Variants in DLG2 observed in about 807,000 individuals in gnomAD.
DLG2 encodes discs large MAGUK scaffold protein 2.
Under a neutral mutation model 132.5 loss-of-function variants are expected in DLG2, and 45 were observed. The observed-to-expected ratio is 0.34, with a 90% CI of 0.27 to 0.44. The LOEUF is 0.44. Ranked by LOEUF, DLG2 falls within the 20% of genes least tolerant of loss-of-function variation. DLG2 has a pLI of 1.00. For synonymous variants in DLG2, 424 were observed against 419.6 expected, an observed-to-expected ratio of 1.01 and a Z score of -0.13; for missense variants, 1,045 against 1,196.9, an observed-to-expected ratio of 0.87 and a Z score of 1.87.
chr11:84,308,005 CAA>C (rs1301632866), intron 7 of DLG2, among the ~76,000 whole-genome samples: 1 of 152,112 alleles, frequency 6.6e-6, no homozygotes, highest in African/African-American at 2.4e-5. Flanking sequence ...AGTGTGGACC[CAA>C]AGAGTGAGCA....
At chr11:84,528,799 A>G (rs941395845) in intron 7 of DLG2, among the ~76,000 whole-genome samples, 3 of 152,208 alleles carry the variant, frequency 2.0e-5, no homozygotes, top group Non-Finnish European at 4.4e-5. Flanking sequence ...AAAATAACCC[A>G]TTAGATTTTA....
chr11:83,834,823 T>C (rs1285451558), intron 16 of DLG2, among the ~76,000 whole-genome samples: 9 of 152,230 alleles, frequency 5.9e-5, no homozygotes, highest in Non-Finnish European at 1.2e-4. Flanking sequence ...TCTGTATCAG[T>C]AGTTTTAAAA....
At chr11:85,497,801 A>G (rs957840103) in intron 3 of DLG2, among the ~76,000 whole-genome samples, 4 of 152,244 alleles carry the variant, frequency 2.6e-5, no homozygotes, top group Non-Finnish European at 5.9e-5. Context: ...AAGAATTTTC[A>G]ATCCAGAATT....
At chr11:84,705,544 T>A (rs965863900) in intron 6 of DLG2, among the ~76,000 whole-genome samples, 6 of 151,772 alleles carry the variant, frequency 4.0e-5, no homozygotes, top group Admixed American at 1.3e-4. Context: ...TCGATTATTT[T>A]AAGATGGATT....
chr11:83,509,156 C>A (rs767329664), intron 21 of DLG2, among the ~76,000 whole-genome samples: 1 of 152,192 alleles, frequency 6.6e-6, no homozygotes, highest in South Asian at 2.1e-4. Flanking sequence ...TGGTGTCAGA[C>A]GGGCCAGGCA....
At chr11:83,863,345 G>C (rs1221416150) in intron 16 of DLG2, among the ~76,000 whole-genome samples, 1 of 152,110 alleles carries the variant, frequency 6.6e-6, no homozygotes, top group Admixed American at 6.6e-5. Flanking sequence ...AACTCTTGAT[G>C]TCTCTTTCTA....
At chr11:85,364,862 T>C (rs2152906035) in intron 3 of DLG2, among the ~76,000 whole-genome samples, 1 of 152,244 alleles carries the variant, frequency 6.6e-6, no homozygotes. Context: ...TGTTTTTCCC[T>C]ATCCTTCTGA....
intron 7 of DLG2, among the ~76,000 whole-genome samples, chr11:84,339,526 C>T (rs894675075): frequency 1.3e-4 from 20 of 152,110 alleles, no homozygotes; most frequent in Non-Finnish European, 5.9e-5. Flanking sequence ...AATTTTAAGA[C>T]GGTGATCTCT....
chr11:84,820,726 T>C (rs1038475170), intron 6 of DLG2, among the ~76,000 whole-genome samples: 2 of 139,084 alleles, frequency 1.4e-5, no homozygotes, highest in Admixed American at 1.4e-4. Flanking sequence ...TAAAGTGAAA[T>C]ACCTTTTTTT....
intron 18 of DLG2, among the ~76,000 whole-genome samples, chr11:83,657,783 G>A (rs554282735): frequency 1.3e-4 from 20 of 152,010 alleles, no homozygotes; most frequent in East Asian, 1.9e-4. Context: ...CTCGTGATCC[G>A]CCCGCCTTGG....
At chr11:83,770,422 C>A (rs1462511047) in intron 18 of DLG2, among the ~76,000 whole-genome samples, 1 of 151,674 alleles carries the variant, frequency 6.6e-6, no homozygotes, top group East Asian at 1.9e-4. Context: ...AATTACTAAG[C>A]CCCAGAGGAT....
At chr11:84,362,807 A>G (rs1237118459) in intron 7 of DLG2, among the ~76,000 whole-genome samples, 2 of 151,974 alleles carry the variant, frequency 1.3e-5, no homozygotes, top group Non-Finnish European at 2.9e-5. Flanking sequence ...ATGATTTCCA[A>G]TTTCATCCAT....
chr11:85,603,952 A>G (rs2080344473), intron 2 of DLG2, among the ~76,000 whole-genome samples: 2 of 152,174 alleles, frequency 1.3e-5, no homozygotes, highest in African/African-American at 4.8e-5. Context: ...CTCTAAGTAA[A>G]TAAGTAAAAT....
At chr11:84,789,716 C>G (rs2073511106) in intron 6 of DLG2, among the ~76,000 whole-genome samples, 1 of 152,082 alleles carries the variant, frequency 6.6e-6, no homozygotes, top group Non-Finnish European at 1.5e-5. Context: ...TACATCCCCC[C>G]ATTAACCCTC....
intron 7 of DLG2, among the ~76,000 whole-genome samples, chr11:84,338,226 G>A (rs117143153): frequency 6.6e-6 from 1 of 152,222 alleles, no homozygotes; most frequent in East Asian, 1.9e-4. Flanking sequence ...GTCCACAGAC[G>A]TTTACCCAAC....
intron 6 of DLG2, among the ~76,000 whole-genome samples, chr11:84,633,229 A>T (rs1029624351): frequency 6.6e-6 from 1 of 152,178 alleles, no homozygotes; most frequent in Non-Finnish European, 1.5e-5. Context: ...TCAGCATATT[A>T]TACAAAGCTT....
chr11:83,549,473 C>T (rs918635661), intron 19 of DLG2, among the ~76,000 whole-genome samples: 2 of 152,106 alleles, frequency 1.3e-5, no homozygotes, highest in African/African-American at 4.8e-5. Context: ...CACATAATAA[C>T]TGGCAAAACA....
At position 83,556,672 on chromosome 11, in the gene DLG2, C is replaced by T. The variant is rs74238645; in HGVS notation, c.1941-14814G>A. On this transcript the variant is annotated intron_variant, in intron 19 of 27. Transcript: ENST00000376104. Reference sequence around the variant, plus strand: ...CAGGCATGAGCCACTGCACCCAGCCCGATACCATTTTTTGCATGTTAGCAA... The same window carrying T: ...CAGGCATGAGCCACTGCACCCAGCCTGATACCATTTTTTGCATGTTAGCAA... Among the ~76,000 whole-genome samples, 50 of 152,254 alleles carry T rather than the reference C, an allele frequency of 3.3e-4. No homozygotes were observed. The East Asian group carries it at 9.3e-3, about 28-fold the overall frequency.
intron 7 of DLG2, among the ~76,000 whole-genome samples, chr11:84,263,495 T>A (rs1185575909): frequency 1.3e-5 from 2 of 152,172 alleles, no homozygotes; most frequent in African/African-American, 4.8e-5. Context: ...GTTTTTCTTG[T>A]AAACAGGTTA....
Sources: allele counts gnomAD v4.1 joint callset (sites outside exome capture counted in the v4.1 genomes callset), GRCh38; gene constraint gnomAD v4.1.1; transcripts MANE v1.5; gene names NCBI Gene and HGNC (gene_info 2026-07-23, HGNC 2026-07-21).